The following DCAF1 variants were observed in gnomAD, a reference collection of about 807,000 sequenced individuals.
DCAF1 encodes DDB1- and CUL4-associated factor 1.
Under a neutral mutation model 128.0 loss-of-function variants are expected in DCAF1, and 15 were observed. That is an observed-to-expected ratio of 0.12 (90% CI 0.08 to 0.18). DCAF1 has a LOEUF of 0.18. Among genes scored for constraint, DCAF1 ranks in the 10% least tolerant of loss-of-function variants. The pLI is 1.00. For synonymous variants in DCAF1, 610 were observed against 603.0 expected (o/e 1.01, Z -0.17); for missense variants, 988 against 1,649.5 (o/e 0.60, Z 6.95).
Position 51,406,366 on chromosome 3 carries a change from C to A in DCAF1, c.4213-2971G>T, listed in dbSNP as rs1445615150. ...TCAAAAAAAAAAAAAAAAAAAAAAA[C>A]CAAATTTTTCTAGAATCCTGACTCA... On this transcript the variant is annotated intron_variant, in intron 23 of 24. Coordinates refer to ENST00000684031, the MANE Select transcript of DCAF1 (RefSeq NM_001387579.1). Among the ~76,000 whole-genome samples, 130 of 123,160 alleles carry A rather than the reference C, an allele frequency of 1.1e-3. No homozygotes were observed. The Middle Eastern group carries it at 0.013, about 12-fold the overall frequency. 80.8% of individuals were successfully genotyped at this position (123,160 alleles called of 152,430 possible). A position where few individuals can be genotyped will look rare whatever the true frequency, so the allele number is the denominator to read the frequency against.
chr3:51,446,963 A>AATAATAATAATAAT (rs1701913898), intron 6 of DCAF1, among the ~76,000 whole-genome samples: 28 of 136,990 alleles, frequency 2.0e-4, no homozygotes, highest in Non-Finnish European at 2.9e-4. Flanking sequence ...TTTGTCTCAA[A>AATAATAATAATAAT]AATAATAATA....
downstream of DCAF1, chr3:51,397,814 CG>C (rs2089309240): frequency 6.0e-6 from 1 of 166,678 alleles, no homozygotes; most frequent in South Asian, 2.1e-4. Flanking sequence ...CACCCCACTT[CG>C]GTAAAAGAAA....
chr3:51,464,056 T>C (rs1484424024), intron 5 of DCAF1, among the ~76,000 whole-genome samples: 2 of 152,022 alleles, frequency 1.3e-5, no homozygotes, highest in Non-Finnish European at 2.9e-5. Context: ...GGCCTCATTA[T>C]GTTGCCCGAG....
chr3:51,456,412 C>G (rs112818447), intron 6 of DCAF1, among the ~76,000 whole-genome samples: 4 of 152,064 alleles, frequency 2.6e-5, no homozygotes, highest in Non-Finnish European at 5.9e-5. Flanking sequence ...CAAAGCAGCC[C>G]GGAAGCTCAA....
chr3:51,499,439 G>A (rs540975890), intron 1 of DCAF1, among the ~76,000 whole-genome samples: 42 of 152,322 alleles, frequency 2.8e-4, no homozygotes, highest in African/African-American at 9.6e-4. Context: ...AGCTGGAGGC[G>A]GAGACACAGT....
At chr3:51,499,738 C>G (rs1400853020) in intron 1 of DCAF1, 135 bp downstream of exon 1, 4 of 151,532 alleles carry the variant, frequency 2.6e-5, no homozygotes, top group African/African-American at 9.7e-5. Context: ...GACCGGCCCG[C>G]CCCCTCCTCG....
chr3:51,483,591 G>C (rs1230467503), intron 3 of DCAF1, 128 bp downstream of exon 3: 1 of 633,594 alleles, frequency 1.6e-6, no homozygotes, highest in African/African-American at 1.9e-5. Context: ...ACCAATTTTT[G>C]CTTCTTTTTA....
At chr3:51,504,238 G>C (rs2108659706), upstream of DCAF1, among the ~76,000 whole-genome samples, 1 of 151,670 alleles carries the variant, frequency 6.6e-6, no homozygotes, top group South Asian at 2.1e-4. Flanking sequence ...GGGTTTCACT[G>C]TGTTAACCAG....
intron 6 of DCAF1, among the ~76,000 whole-genome samples, chr3:51,452,561 T>A (rs2107845559): frequency 6.6e-6 from 1 of 152,288 alleles, no homozygotes; most frequent in Non-Finnish European, 1.5e-5. Flanking sequence ...AAATTGTTCT[T>A]GCAGAAAGCT....
chr3:51,448,506 A>G (rs1425238174), intron 6 of DCAF1, among the ~76,000 whole-genome samples: 2 of 152,166 alleles, frequency 1.3e-5, no homozygotes, highest in Non-Finnish European at 2.9e-5. Context: ...ATAAGCATGC[A>G]TCCCTATACC....
intron 4 of DCAF1, among the ~76,000 whole-genome samples, chr3:51,467,805 T>C (rs1455955750): frequency 6.6e-6 from 1 of 150,906 alleles, no homozygotes; most frequent in Non-Finnish European, 1.5e-5. Context: ...TCACCAAGAG[T>C]ATACAAGGTC....
chr3:51,419,399 C>T (rs1257331598), intron 15 of DCAF1, among the ~76,000 whole-genome samples: 1 of 152,012 alleles, frequency 6.6e-6, no homozygotes, highest in African/African-American at 2.4e-5. Context: ...CCTGTGATCC[C>T]GTAACCTTTA....
intron 3 of DCAF1, among the ~76,000 whole-genome samples, chr3:51,480,598 CAA>C (rs34527434): frequency 5.4e-5 from 5 of 92,504 alleles, no homozygotes; most frequent in Admixed American, 1.4e-4. Context: ...GAGTCTGCCT[CAA>C]AAAAAAAAAA....
intron 13 of DCAF1, among the ~76,000 whole-genome samples, chr3:51,423,832 A>G (rs1423748045): frequency 6.6e-6 from 1 of 151,788 alleles, no homozygotes. Flanking sequence ...AAAAAAAAAA[A>G]AAAAGAAAGA....
chr3:51,470,874 TA>T, intron 4 of DCAF1, 54 bp downstream of exon 4: 1 of 1,329,144 alleles, frequency 7.5e-7, no homozygotes, highest in South Asian at 1.5e-5. Context: ...CTCGCTTTAA[TA>T]AAAGTGTCTT....
chr3:51,426,278 C>T (rs1699902816), intron 13 of DCAF1, among the ~76,000 whole-genome samples: 3 of 151,866 alleles, frequency 2.0e-5, no homozygotes, highest in Admixed American at 6.6e-5. Flanking sequence ...GGCGTGATCT[C>T]AGCTCCCTGC....
intron 23 of DCAF1, among the ~76,000 whole-genome samples, chr3:51,407,293 A>G (rs1697935425): frequency 1.3e-5 from 2 of 152,126 alleles, no homozygotes; most frequent in African/African-American, 2.4e-5. Flanking sequence ...CTTAAAGGCT[A>G]TAGGTTCACT....
chr3:51,408,487 G>A (rs1169233143), intron 23 of DCAF1, among the ~76,000 whole-genome samples: 1 of 152,168 alleles, frequency 6.6e-6, no homozygotes, highest in African/African-American at 2.4e-5. Flanking sequence ...ATAGGAAAAT[G>A]AAAAGTCTCT....
intron 10 of DCAF1, 67 bp downstream of exon 10, chr3:51,433,039 A>C: frequency 2.5e-6 from 1 of 398,170 alleles, no homozygotes; most frequent in East Asian, 3.6e-5. Flanking sequence ...CATTCTGCGA[A>C]TGTGATCTTT....
Sources: allele counts gnomAD v4.1 joint callset (sites outside exome capture counted in the v4.1 genomes callset), GRCh38; gene constraint gnomAD v4.1.1; transcripts MANE v1.5; gene names NCBI Gene and HGNC (gene_info 2026-07-23, HGNC 2026-07-21).